The following ARB2A variants were observed in gnomAD, a reference collection of about 807,000 sequenced individuals.
ARB2A encodes ARB2 cotranscriptional regulator A.
chr5:94,008,017 C>T, the ARB2A span, among the ~76,000 whole-genome samples: 1 of 152,072 alleles, frequency 6.6e-6, no homozygotes, highest in Non-Finnish European at 1.5e-5. Flanking sequence ...CAGATCTGTA[C>T]TTTCTTTTTT....
At chr5:93,827,422 C>T in the ARB2A span, among the ~76,000 whole-genome samples, 464 of 152,076 alleles carry the variant, frequency 3.1e-3, 4 homozygotes, top group East Asian at 0.025. Flanking sequence ...TCATATCCTT[C>T]GCCCACTTTT....
chr5:93,958,131 C>T, the ARB2A span, among the ~76,000 whole-genome samples: 1 of 151,806 alleles, frequency 6.6e-6, no homozygotes, highest in African/African-American at 2.4e-5. Context: ...AGAAAAGAAA[C>T]CTTGAACACA....
chr5:93,953,720 A>G, the ARB2A span, among the ~76,000 whole-genome samples: 4 of 152,086 alleles, frequency 2.6e-5, no homozygotes, highest in African/African-American at 9.7e-5. Context: ...CCTTCAGAAC[A>G]GTGAGTTCCC....
chr5:93,784,383 C>T, the ARB2A span: 3 of 1,611,912 alleles, frequency 1.9e-6, no homozygotes, highest in Non-Finnish European at 2.5e-6. Context: ...CAAGTCTCAC[C>T]TCTCTCATCC....
chr5:94,002,656 T>C, the ARB2A span, among the ~76,000 whole-genome samples: 2 of 152,134 alleles, frequency 1.3e-5, no homozygotes, highest in African/African-American at 4.8e-5. Context: ...TAGGACAGAA[T>C]AGTAACTTCC....
chr5:93,893,640 G>A, the ARB2A span, among the ~76,000 whole-genome samples: 1 of 152,124 alleles, frequency 6.6e-6, no homozygotes, highest in Admixed American at 6.6e-5. Flanking sequence ...TAATTAGGTA[G>A]GCACTAGGAC....
At chr5:93,881,701 G>A in the ARB2A span, 2 of 1,459,066 alleles carry the variant, frequency 1.4e-6, no homozygotes, top group Non-Finnish European at 9.1e-7. Flanking sequence ...GTTTTGAAAT[G>A]AAAGAAGGTA....
At chr5:93,964,337 C>CCCTATT in the ARB2A span, 1 of 656,228 alleles carries the variant, frequency 1.5e-6, no homozygotes, top group Non-Finnish European at 2.6e-6. Context: ...ACACAATAAA[C>CCCTATT]CCTAACATTT....
the ARB2A span, among the ~76,000 whole-genome samples, chr5:94,012,398 T>C: frequency 6.6e-6 from 1 of 152,194 alleles, no homozygotes; most frequent in Admixed American, 6.5e-5. Flanking sequence ...CGAGACTCCA[T>C]CTCAAAACAA....
At chr5:94,068,205 T>C in the ARB2A span, among the ~76,000 whole-genome samples, 1 of 152,332 alleles carries the variant, frequency 6.6e-6, no homozygotes, top group African/African-American at 2.4e-5. Flanking sequence ...TATAGCTCTA[T>C]TAGAAGCTGT....
the ARB2A span, among the ~76,000 whole-genome samples, chr5:93,718,299 T>G: frequency 2.6e-5 from 4 of 151,666 alleles, no homozygotes; most frequent in East Asian, 7.9e-4. Context: ...ATTAGCCAGG[T>G]GTGTTGGCGG....
chr5:93,693,487 T>A, the ARB2A span, among the ~76,000 whole-genome samples: 1 of 151,904 alleles, frequency 6.6e-6, no homozygotes, highest in East Asian at 1.9e-4. Flanking sequence ...ACTTACACCC[T>A]CCCAAGTCTA....
chr5:93,629,153 T>A, the ARB2A span, among the ~76,000 whole-genome samples: 2 of 152,164 alleles, frequency 1.3e-5, no homozygotes, highest in South Asian at 4.1e-4. Context: ...TCTCAAGGAA[T>A]AGGGAGGCCT....
the ARB2A span, among the ~76,000 whole-genome samples, chr5:93,972,200 C>A: frequency 6.6e-6 from 1 of 152,200 alleles, no homozygotes; most frequent in South Asian, 2.1e-4. Flanking sequence ...TGCTCCTGCA[C>A]CCACCAACCA....
chr5:93,744,218 T>C, the ARB2A span, among the ~76,000 whole-genome samples: 28,188 of 151,466 alleles, frequency 0.19, 3,027 homozygotes, highest in Middle Eastern at 0.28. Context: ...GGGTGGATCA[T>C]GAAGTCAGGA....
the ARB2A span, among the ~76,000 whole-genome samples, chr5:93,716,452 T>C: frequency 1.3e-5 from 2 of 152,144 alleles, no homozygotes; most frequent in Non-Finnish European, 2.9e-5. Flanking sequence ...GCAAAATGAA[T>C]GTAAACATCC....
chr5:94,042,015 G>T, the ARB2A span, among the ~76,000 whole-genome samples: 1 of 152,176 alleles, frequency 6.6e-6, no homozygotes, highest in African/African-American at 2.4e-5. Context: ...TACACGCAAG[G>T]TATGTAAAGA....
chr5:94,081,690 G>A, the ARB2A span, among the ~76,000 whole-genome samples: 4 of 152,058 alleles, frequency 2.6e-5, no homozygotes, highest in Admixed American at 6.6e-5. Flanking sequence ...TTCAGGAGTC[G>A]GGGGAAGAGA....
the ARB2A span, among the ~76,000 whole-genome samples, chr5:93,854,804 T>C: frequency 2.0e-5 from 3 of 152,232 alleles, no homozygotes; most frequent in African/African-American, 4.8e-5. Context: ...CTAGTTTGAT[T>C]GCACTGTGGT....
Sources: gnomAD v4.1 joint callset for allele counts (sites outside exome capture counted in the v4.1 genomes callset) on GRCh38, gnomAD v4.1.1 for gene constraint, MANE v1.5 for transcripts, NCBI Gene and HGNC (gene_info 2026-07-23, HGNC 2026-07-21) for gene names.